Variants in STK33 observed in about 807,000 individuals in gnomAD.
STK33 encodes the protein serine/threonine kinase 33, also known as serine/threonine-protein kinase 33.
STK33 carries 52 observed loss-of-function variants against 58.0 expected under a neutral mutation model. The ratio of observed to expected loss-of-function variants is 0.90; its 90% CI spans 0.72 to 1.13. STK33 has a LOEUF of 1.13. Ranked by LOEUF, STK33 falls within the 50% of genes most tolerant of loss-of-function variation. STK33 has a pLI of 0.00. For missense variants in STK33, 630 were observed against 604.2 expected (o/e 1.04, Z -0.45); for synonymous variants, 215 against 200.1 (o/e 1.07, Z -0.63).
chr11:8,487,636 G>T (rs933414388), intron 1 of STK33, among the ~76,000 whole-genome samples: 2 of 152,024 alleles, frequency 1.3e-5, no homozygotes, highest in Non-Finnish European at 2.9e-5. Flanking sequence ...GTCCATAAAG[G>T]CAGCAAGGAG....
At chr11:8,394,134 T>TA (rs1848956754) in intron 15 of STK33, among the ~76,000 whole-genome samples, 1 of 152,204 alleles carries the variant, frequency 6.6e-6, no homozygotes, top group East Asian at 1.9e-4. Context: ...TGTGTTCTTT[T>TA]AAGAGGTAGA....
At chr11:8,464,487 T>C (rs866389899) in intron 7 of STK33, among the ~76,000 whole-genome samples, 2 of 152,274 alleles carry the variant, frequency 1.3e-5, no homozygotes, top group Non-Finnish European at 1.5e-5. Flanking sequence ...TTGGTTATGT[T>C]ATTCCTTTCA....
chr11:8,459,157 A>G (rs906759389), intron 8 of STK33, among the ~76,000 whole-genome samples: 3 of 152,240 alleles, frequency 2.0e-5, no homozygotes, highest in Non-Finnish European at 4.4e-5. Context: ...TCAAAGTTAT[A>G]TAAGTTATAA....
chr11:8,591,850 T>TG (rs1462639012), intron 1 of STK33, among the ~76,000 whole-genome samples: 4 of 106,714 alleles, frequency 3.7e-5, no homozygotes, highest in Non-Finnish European at 5.9e-5. Flanking sequence ...TGGGGGGGAG[T>TG]GGGGAGGGAT....
intron 1 of STK33, among the ~76,000 whole-genome samples, chr11:8,557,448 C>A (rs1956843300): frequency 6.6e-6 from 1 of 151,586 alleles, no homozygotes; most frequent in Non-Finnish European, 1.5e-5. Flanking sequence ...TTCTTACGTG[C>A]CAAAATCAGA....
At chr11:8,497,629 C>A (rs2138983136) in intron 1 of STK33, among the ~76,000 whole-genome samples, 1 of 152,202 alleles carries the variant, frequency 6.6e-6, no homozygotes, top group South Asian at 2.1e-4. Flanking sequence ...TGCCACCATG[C>A]CCAGCTAATT....
chr11:8,559,006 T>C (rs1175133399), intron 1 of STK33, among the ~76,000 whole-genome samples: 6 of 152,116 alleles, frequency 3.9e-5, no homozygotes, highest in African/African-American at 2.4e-5. Context: ...GACTCTCTAA[T>C]AGAAAACAGC....
intron 1 of STK33, among the ~76,000 whole-genome samples, chr11:8,510,091 T>C (rs2139420997): frequency 6.6e-6 from 1 of 152,314 alleles, no homozygotes; most frequent in South Asian, 2.1e-4. Flanking sequence ...TTGTTTTCCA[T>C]AGTAGTTGTA....
At chr11:8,396,621 C>G (rs977760710) in intron 15 of STK33, among the ~76,000 whole-genome samples, 1 of 152,156 alleles carries the variant, frequency 6.6e-6, no homozygotes, top group Non-Finnish European at 1.5e-5. Flanking sequence ...GAGTGTTGGA[C>G]AGTGGGTGCA....
At chr11:8,508,427 A>C (rs1463425675) in intron 1 of STK33, among the ~76,000 whole-genome samples, 1 of 151,836 alleles carries the variant, frequency 6.6e-6, no homozygotes, top group East Asian at 1.9e-4. Context: ...CACCACCACC[A>C]CAGCCAGCGA....
chr11:8,502,622 T>A (rs1591515787), intron 1 of STK33, among the ~76,000 whole-genome samples: 1 of 151,842 alleles, frequency 6.6e-6, no homozygotes, highest in African/African-American at 2.4e-5. Context: ...AAAACAAAAA[T>A]TGACAAATGG....
intron 1 of STK33, among the ~76,000 whole-genome samples, chr11:8,553,167 A>AATATATAT (rs56363010): frequency 2.9e-4 from 20 of 68,182 alleles, no homozygotes; most frequent in East Asian, 1.6e-3. Context: ...CCAAAAATAA[A>AATATATAT]ATATATATAT....
At chr11:8,544,563 T>C (rs1475581985) in intron 1 of STK33, among the ~76,000 whole-genome samples, 3 of 151,762 alleles carry the variant, frequency 2.0e-5, no homozygotes, top group Non-Finnish European at 2.9e-5. Flanking sequence ...GAACTATATA[T>C]TCAAAGAAAT....
intron 1 of STK33, among the ~76,000 whole-genome samples, chr11:8,574,174 T>C (rs922633792): frequency 3.7e-4 from 56 of 152,226 alleles, no homozygotes; most frequent in African/African-American, 1.3e-3. Context: ...AGGCATAAAA[T>C]TGCATACAAC....
intron 1 of STK33, among the ~76,000 whole-genome samples, chr11:8,573,550 A>T (rs1053723626): frequency 1.3e-5 from 2 of 152,242 alleles, no homozygotes; most frequent in African/African-American, 4.8e-5. Flanking sequence ...AAATTGACTT[A>T]TTACATGACC....
chr11:8,493,422 C>G (rs748894186), intron 1 of STK33, among the ~76,000 whole-genome samples: 5 of 152,124 alleles, frequency 3.3e-5, no homozygotes, highest in Non-Finnish European at 7.3e-5. Context: ...CTGAATAGAC[C>G]AATAACAGGC....
the STK33 span, among the ~76,000 whole-genome samples, chr11:8,344,816 C>G: frequency 6.6e-6 from 1 of 152,214 alleles, no homozygotes; most frequent in African/African-American, 2.4e-5. Flanking sequence ...GGAGGCTCCG[C>G]TCCTGGAGCC....
chr11:8,447,900 C>T (rs1178546336), intron 11 of STK33, among the ~76,000 whole-genome samples: 1 of 152,078 alleles, frequency 6.6e-6, no homozygotes, highest in Non-Finnish European at 1.5e-5. Flanking sequence ...ACTGTCTCAG[C>T]CTAAAATCTC....
In STK33 at chr11:8,464,693, TGCTAATGA is replaced by T; in HGVS notation, c.453+8_453+15del. ...TAACACTGTGCCCTCAGTAGGATGC[TGCTAATGA>T]GCCTTACCTTTTCTTTGTTCACTTT... On this transcript the variant is annotated splice_region_variant and intron_variant, in intron 7 of 15. Transcript: ENST00000687296. 1 of 1,584,218 alleles carries T rather than the reference TGCTAATGA, an allele frequency of 6.3e-7. No homozygotes were observed. Among genetic ancestry groups the T allele is most frequent in the Non-Finnish European group, 8.7e-7 (1 of 1,153,306 alleles).
Sources: allele counts gnomAD v4.1 joint callset (sites outside exome capture counted in the v4.1 genomes callset), GRCh38; gene constraint gnomAD v4.1.1; transcripts MANE v1.5; gene names NCBI Gene and HGNC (gene_info 2026-07-23, HGNC 2026-07-21).